The following SGCZ variants were observed in gnomAD, a reference collection of about 807,000 sequenced individuals.
The protein encoded by SGCZ is zeta-sarcoglycan.
SGCZ carries 40 observed loss-of-function variants against 41.3 expected under a neutral mutation model. That is an observed-to-expected ratio of 0.97 (90% CI 0.75 to 1.26). SGCZ has a LOEUF of 1.26. SGCZ is among the 50% of genes most tolerant of loss of function. The pLI, the probability that SGCZ is intolerant of heterozygous loss-of-function variation, is 0.00. For missense variants in SGCZ, 552 were observed against 369.8 expected (o/e 1.49, Z -4.04); for synonymous variants, 206 against 137.5 (o/e 1.50, Z -3.49).
At chr8:15,023,577 T>C (rs1420747311) in intron 1 of SGCZ, among the ~76,000 whole-genome samples, 2 of 152,294 alleles carry the variant, frequency 1.3e-5, no homozygotes, top group South Asian at 2.1e-4. Context: ...CAACAAAATA[T>C]GTACAGCAAT....
intron 2 of SGCZ, among the ~76,000 whole-genome samples, chr8:14,396,530 T>C (rs964150460): frequency 1.3e-5 from 2 of 152,002 alleles, no homozygotes; most frequent in Non-Finnish European, 2.9e-5. Context: ...CACCCAATAT[T>C]AAGTACATAA....
At chr8:15,157,211 C>T (rs893974983) in intron 1 of SGCZ, among the ~76,000 whole-genome samples, 41 of 151,984 alleles carry the variant, frequency 2.7e-4, no homozygotes, top group African/African-American at 8.9e-4. Flanking sequence ...ATATTTTTCC[C>T]TACTCACAAT....
chr8:14,765,416 G>A (rs1051687185), intron 1 of SGCZ, among the ~76,000 whole-genome samples: 1 of 152,116 alleles, frequency 6.6e-6, no homozygotes, highest in Non-Finnish European at 1.5e-5. Context: ...ATATGCTATA[G>A]AGATGAGGCC....
At chr8:14,115,811 A>C (rs1802505462) in intron 5 of SGCZ, among the ~76,000 whole-genome samples, 1 of 151,864 alleles carries the variant, frequency 6.6e-6, no homozygotes, top group African/African-American at 2.4e-5. Context: ...GTGGGGGTGG[A>C]AATTAGTAAA....
intron 1 of SGCZ, among the ~76,000 whole-genome samples, chr8:15,080,495 C>G (rs528267042): frequency 6.6e-6 from 1 of 152,236 alleles, no homozygotes; most frequent in South Asian, 2.1e-4. Flanking sequence ...GTCTTAACCT[C>G]CAGTACCCCA....
At chr8:15,155,395 T>C (rs558470475) in intron 1 of SGCZ, among the ~76,000 whole-genome samples, 1 of 152,366 alleles carries the variant, frequency 6.6e-6, no homozygotes, top group South Asian at 2.1e-4. Flanking sequence ...AATATCATAC[T>C]GTACCCCATA....
At position 14,298,727 on chromosome 8, in the gene SGCZ, G is replaced by A. The variant is rs1801096662; in HGVS notation, c.336+25376C>T. On this transcript the variant is annotated intron_variant, in intron 3 of 7. Transcript: ENST00000382080. ...ATAAATGTAATATGTCAATGTATTG[G>A]ATGACAAAATATCATTACAAATGTT... Among the ~76,000 whole-genome samples the A allele has an allele frequency of 2.0e-5, 3 of 151,972 alleles. No individual in the cohort carries two copies. In the South Asian group the frequency reaches 6.2e-4, roughly 31 times the overall value.
At chr8:15,233,347 A>G (rs1430106087) in intron 1 of SGCZ, among the ~76,000 whole-genome samples, 1 of 150,738 alleles carries the variant, frequency 6.6e-6, no homozygotes, top group Non-Finnish European at 1.5e-5. Context: ...AAAAAAAAAG[A>G]AAGAAAGAAA....
intron 2 of SGCZ, among the ~76,000 whole-genome samples, chr8:14,486,135 C>T (rs1053273115): frequency 6.6e-6 from 1 of 152,072 alleles, no homozygotes; most frequent in African/African-American, 2.4e-5. Context: ...TCGTTTTTCC[C>T]CCTCAAAGTT....
At chr8:15,111,856 C>G (rs771946313) in intron 1 of SGCZ, among the ~76,000 whole-genome samples, 12 of 151,196 alleles carry the variant, frequency 7.9e-5, no homozygotes, top group Non-Finnish European at 1.2e-4. Context: ...GCCGAGATTA[C>G]ACCACCGCAC....
rs182504009 is a variant in SGCZ, at chr8:14,292,881, T to C, written c.336+31222A>G. 2.0e-5 allele frequency among the ~76,000 whole-genome samples: 3 copies of C among 152,116 alleles called. No homozygotes were observed. In the East Asian group the frequency reaches 5.8e-4, roughly 29 times the overall value. ...CTCTATATATATAATTTTAGTATAT[T>C]ATTTTTGCTATTATTTTCTAGCAGT... On this transcript the variant is annotated intron_variant, in intron 3 of 7. Coordinates refer to ENST00000382080, the MANE Select transcript of SGCZ (RefSeq NM_139167.4).
intron 1 of SGCZ, among the ~76,000 whole-genome samples, chr8:15,054,641 A>C (rs1226384544): frequency 2.6e-5 from 4 of 152,098 alleles, no homozygotes; most frequent in Non-Finnish European, 5.9e-5. Context: ...CCTTTGAAAA[A>C]ATTATTTATC....
chr8:14,633,575 A>G (rs1806729412), intron 1 of SGCZ, among the ~76,000 whole-genome samples: 1 of 151,946 alleles, frequency 6.6e-6, no homozygotes, highest in Admixed American at 6.6e-5. Context: ...ACTATATTTT[A>G]CACAACTTTC....
chr8:14,611,178 G>A (rs779852687), intron 1 of SGCZ, among the ~76,000 whole-genome samples: 2 of 152,088 alleles, frequency 1.3e-5, no homozygotes, highest in African/African-American at 2.4e-5. Context: ...ACTCAAAAGT[G>A]ATACTTACTT....
intron 4 of SGCZ, among the ~76,000 whole-genome samples, chr8:14,210,631 T>G (rs1447696026): frequency 6.6e-6 from 1 of 151,720 alleles, no homozygotes; most frequent in Admixed American, 6.6e-5. Flanking sequence ...CTCTGCTAAA[T>G]TTTTTGTATT....
chr8:14,329,322 A>C (rs545895102), intron 2 of SGCZ, among the ~76,000 whole-genome samples: 1 of 152,328 alleles, frequency 6.6e-6, no homozygotes, highest in Admixed American at 6.5e-5. Context: ...ATGTTGTATT[A>C]ATTTAATGAG....
intron 3 of SGCZ, among the ~76,000 whole-genome samples, chr8:14,242,062 T>G (rs1054401709): frequency 1.3e-5 from 2 of 152,168 alleles, no homozygotes; most frequent in Non-Finnish European, 2.9e-5. Context: ...GTTCCCAATC[T>G]GGTAGCCAGA....
intron 7 of SGCZ, among the ~76,000 whole-genome samples, chr8:14,090,965 T>TA (rs1377073328): frequency 2.0e-5 from 3 of 151,928 alleles, no homozygotes; most frequent in Non-Finnish European, 2.9e-5. Flanking sequence ...TTTAATTTCT[T>TA]AAAAAATCCC....
chr8:15,156,190 A>T (rs754917538), intron 1 of SGCZ, among the ~76,000 whole-genome samples: 3 of 151,978 alleles, frequency 2.0e-5, no homozygotes, highest in Non-Finnish European at 2.9e-5. Context: ...TTTCAAGGAG[A>T]CTCAATTAAT....
Sources: allele counts gnomAD v4.1 joint callset (sites outside exome capture counted in the v4.1 genomes callset), GRCh38; gene constraint gnomAD v4.1.1; transcripts MANE v1.5; gene names NCBI Gene and HGNC (gene_info 2026-07-23, HGNC 2026-07-21).